Variants in GORASP2 observed in about 807,000 individuals in gnomAD.
GORASP2 encodes the protein golgi reassembly stacking protein 2.
Under a neutral mutation model 45.7 loss-of-function variants are expected in GORASP2, and 22 were observed. The ratio of observed to expected loss-of-function variants is 0.48; its 90% CI spans 0.34 to 0.69. The LOEUF (loss-of-function observed/expected upper bound fraction) is 0.69. GORASP2 is among the 30% of genes least tolerant of loss of function. The pLI is 0.01. For missense variants in GORASP2, 491 were observed against 562.7 expected (o/e 0.87, Z 1.29); for synonymous variants, 221 against 215.6 (o/e 1.02, Z -0.22).
chr2:170,946,908 C>G (rs1704191999), intron 1 of GORASP2, among the ~76,000 whole-genome samples: 1 of 151,898 alleles, frequency 6.6e-6, no homozygotes, highest in African/African-American at 2.4e-5. Flanking sequence ...TCACTGCACT[C>G]CAGCCTAGGC....
intron 1 of GORASP2, among the ~76,000 whole-genome samples, chr2:170,939,067 A>G (rs1229002267): frequency 6.6e-6 from 1 of 152,220 alleles, no homozygotes; most frequent in African/African-American, 2.4e-5. Flanking sequence ...TTTCCCTAAG[A>G]AACAAATCCC....
intron 1 of GORASP2, among the ~76,000 whole-genome samples, chr2:170,943,408 A>C (rs1228913271): frequency 6.6e-6 from 1 of 152,220 alleles, no homozygotes; most frequent in Non-Finnish European, 1.5e-5. Context: ...TAGGAGGATG[A>C]GCTTAAGATT....
intron 5 of GORASP2, 58 bp downstream of exon 5, chr2:170,951,516 G>T: frequency 7.9e-7 from 1 of 1,267,218 alleles, no homozygotes; most frequent in Non-Finnish European, 1.1e-6. Context: ...CAGATATGTT[G>T]CAGACATTGA....
chr2:170,937,402 C>T (rs974145301), intron 1 of GORASP2, among the ~76,000 whole-genome samples: 1 of 152,012 alleles, frequency 6.6e-6, no homozygotes, highest in Non-Finnish European at 1.5e-5. Flanking sequence ...GGTCTCGCCA[C>T]ATTGCCCAGG....
chr2:170,955,477 G>A (rs1306085167), intron 6 of GORASP2, among the ~76,000 whole-genome samples: 1 of 152,190 alleles, frequency 6.6e-6, no homozygotes, highest in Admixed American at 6.5e-5. Context: ...GTTTCTTAAG[G>A]AGGTATCTCA....
chr2:170,937,611 C>T (rs1327266430), intron 1 of GORASP2, among the ~76,000 whole-genome samples: 2 of 151,674 alleles, frequency 1.3e-5, no homozygotes, highest in Non-Finnish European at 2.9e-5. Context: ...CAAGAGTAGC[C>T]GTGGCAAAAT....
intron 4 of GORASP2, among the ~76,000 whole-genome samples, chr2:170,950,663 C>T (rs987346398): frequency 4.6e-5 from 7 of 152,064 alleles, no homozygotes; most frequent in African/African-American, 1.4e-4. Flanking sequence ...TCTTAGCTAG[C>T]GGAAGTATAC....
At chr2:170,937,649 G>A (rs1189467253) in intron 1 of GORASP2, among the ~76,000 whole-genome samples, 1 of 152,016 alleles carries the variant, frequency 6.6e-6, no homozygotes, top group Non-Finnish European at 1.5e-5. Flanking sequence ...GAAAAAGAAA[G>A]AGAGAGGGAA....
At chr2:170,938,550 A>G (rs1246219254) in intron 1 of GORASP2, among the ~76,000 whole-genome samples, 1 of 152,224 alleles carries the variant, frequency 6.6e-6, no homozygotes, top group South Asian at 2.1e-4. Context: ...TACTACACAC[A>G]TTAATTAAAA....
intron 1 of GORASP2, among the ~76,000 whole-genome samples, chr2:170,932,164 T>G (rs1285361408): frequency 6.6e-6 from 1 of 152,100 alleles, no homozygotes; most frequent in African/African-American, 2.4e-5. Flanking sequence ...GAGGCGGAGG[T>G]TGCAGTGAGC....
At position 170,951,417 on chromosome 2, in the gene GORASP2, A is replaced by C. The variant is rs771170593; in HGVS notation, c.525A>C (p.Glu175Asp). The stretch of plus-strand genomic sequence containing the variant: ...ACACAGACACTGATAACTGTCGAGA[A>C]GTGATTATTACACCAAATTCTGCAT... ...VYNTDTDNCR[E>D]VIITPNSAWG... Residue 175 changes from glutamate to aspartate, a missense_variant, in exon 5 of 10, where the codon GAA becomes GAC. Coordinates refer to ENST00000234160, the MANE Select transcript of GORASP2 (RefSeq NM_015530.5). The C allele has an allele frequency of 6.2e-7, 1 of 1,612,258 alleles. No individual in the cohort carries two copies. Among genetic ancestry groups the C allele is most frequent in the South Asian group, 1.1e-5 (1 of 90,740 alleles).
intron 1 of GORASP2, chr2:170,929,727 C>T (rs375947568): frequency 3.5e-6 from 2 of 572,500 alleles, no homozygotes; most frequent in Non-Finnish European, 6.8e-6. Flanking sequence ...TCCTCCACCC[C>T]CCCTCATTTT....
intron 1 of GORASP2, among the ~76,000 whole-genome samples, chr2:170,931,148 A>G (rs1002275998): frequency 1.3e-5 from 2 of 152,168 alleles, no homozygotes; most frequent in Non-Finnish European, 2.9e-5. Flanking sequence ...TAATCTATAC[A>G]TCTGATTTTT....
chr2:170,950,523 T>C (rs552446548), intron 4 of GORASP2, among the ~76,000 whole-genome samples: 1 of 152,340 alleles, frequency 6.6e-6, no homozygotes, highest in African/African-American at 2.4e-5. Flanking sequence ...ATGTGTAATA[T>C]ACAGAAATCT....
At chr2:170,936,388 A>G (rs1243067292) in intron 1 of GORASP2, among the ~76,000 whole-genome samples, 1 of 151,750 alleles carries the variant, frequency 6.6e-6, no homozygotes, top group African/African-American at 2.4e-5. Flanking sequence ...CGTCTAGCCA[A>G]TTTTAAAATT....
At chr2:170,933,501 A>T (rs1180424646) in intron 1 of GORASP2, among the ~76,000 whole-genome samples, 1 of 152,200 alleles carries the variant, frequency 6.6e-6, no homozygotes, top group East Asian at 1.9e-4. Flanking sequence ...AATGCTATAC[A>T]TTCGCTCAAA....
At chr2:170,934,305 C>T (rs530185063) in intron 1 of GORASP2, among the ~76,000 whole-genome samples, 5 of 145,552 alleles carry the variant, frequency 3.4e-5, no homozygotes, top group South Asian at 4.4e-4. Context: ...GATGGAGTTT[C>T]GCTTTTGTTG....
chr2:170,966,314 C>G lies in GORASP2; in HGVS notation c.*184C>G, dbSNP rs1704687651. The G allele has an allele frequency of 3.3e-6, 2 of 601,434 alleles. No individual in the cohort carries two copies. The highest frequency in any genetic ancestry group is 3.7e-5 in the African/African-American group (2 of 53,766). The allele number at this position is 601,434 out of a possible 1,614,324, so 37.3% of individuals were successfully genotyped here. A position where few individuals can be genotyped will look rare whatever the true frequency, so the allele number is the denominator to read the frequency against. ...TGCCAGGTTGAGTGGGGCTCACACG[C>G]TAGGGTGAGATGTCAGAAAGCGCTT... On this transcript the variant is annotated 3_prime_UTR_variant, in exon 10 of 10. Coordinates refer to ENST00000234160, the MANE Select transcript of GORASP2 (RefSeq NM_015530.5).
intron 7 of GORASP2, 50 bp downstream of exon 7, chr2:170,956,609 T>G (rs756448313): frequency 8.0e-6 from 12 of 1,506,598 alleles, no homozygotes; most frequent in Non-Finnish European, 9.0e-7. Flanking sequence ...GTAATATTAT[T>G]GCATAGAATT....
Sources: allele counts gnomAD v4.1 joint callset (sites outside exome capture counted in the v4.1 genomes callset), GRCh38; gene constraint gnomAD v4.1.1; transcripts MANE v1.5; gene names NCBI Gene and HGNC (gene_info 2026-07-23, HGNC 2026-07-21).